DLGAP2: variants seen among roughly 807,000 people sequenced by gnomAD.
The protein encoded by DLGAP2 is disks large-associated protein 2.
Under a neutral mutation model 100.3 loss-of-function variants are expected in DLGAP2, and 26 were observed. The observed-to-expected ratio is 0.26, with a 90% CI of 0.19 to 0.36. The LOEUF is 0.36. Ranked by LOEUF, DLGAP2 falls within the 10% of genes least tolerant of loss-of-function variation. The pLI is 1.00. For missense variants in DLGAP2, 1,858 were observed against 1,453.2 expected, an observed-to-expected ratio of 1.28 and a Z score of -4.53; for synonymous variants, 886 against 630.1, an observed-to-expected ratio of 1.41 and a Z score of -6.08.
At chr8:932,639 G>A (rs1157927762) in intron 2 of DLGAP2, among the ~76,000 whole-genome samples, 2 of 152,138 alleles carry the variant, frequency 1.3e-5, no homozygotes, top group Non-Finnish European at 2.9e-5. Context: ...TATGTGAAGG[G>A]CTATTATGCC....
intron 3 of DLGAP2, among the ~76,000 whole-genome samples, chr8:1,291,707 T>C (rs1800063577): frequency 6.6e-6 from 1 of 152,148 alleles, no homozygotes; most frequent in African/African-American, 2.4e-5. Flanking sequence ...GCAGAGCTCA[T>C]CCTGCTCAAA....
intron 3 of DLGAP2, among the ~76,000 whole-genome samples, chr8:1,387,221 G>A (rs570329979): frequency 1.3e-5 from 2 of 152,332 alleles, no homozygotes; most frequent in Admixed American, 1.3e-4. Flanking sequence ...TCATGCAGAG[G>A]GTGGAGAGAC....
intron 1 of DLGAP2, among the ~76,000 whole-genome samples, chr8:749,469 A>C (rs955036024): frequency 1.3e-5 from 2 of 151,020 alleles, no homozygotes; most frequent in South Asian, 4.2e-4. Flanking sequence ...TTTTTTTTTC[A>C]CTTTATATTC....
At chr8:1,640,524 G>C (rs1797872938) in intron 8 of DLGAP2, among the ~76,000 whole-genome samples, 1 of 152,182 alleles carries the variant, frequency 6.6e-6, no homozygotes, top group Admixed American at 6.5e-5. Context: ...TGATTGTCAT[G>C]ATCCCCATTA....
At chr8:1,678,076 CACAA>C (rs1317452787) in intron 11 of DLGAP2, 134 bp from the exon 12 acceptor site, 64 of 935,618 alleles carry the variant, frequency 6.8e-5, no homozygotes, top group Non-Finnish European at 9.1e-5. Context: ...CAGCATATTT[CACAA>C]ACAAAACACT....
chr8:1,483,542 G>T (rs548567243), intron 3 of DLGAP2, among the ~76,000 whole-genome samples: 1 of 145,778 alleles, frequency 6.9e-6, no homozygotes, highest in South Asian at 2.1e-4. Flanking sequence ...AAGAGGCTCA[G>T]GAAGCAGGAC....
At chr8:1,605,101 C>G (rs1796753209) in intron 6 of DLGAP2, among the ~76,000 whole-genome samples, 1 of 152,198 alleles carries the variant, frequency 6.6e-6, no homozygotes, top group Non-Finnish European at 1.5e-5. Context: ...TCATCGGCCC[C>G]TGAGGATGCA....
chr8:847,935 C>T (rs1016512764), intron 1 of DLGAP2, among the ~76,000 whole-genome samples: 6 of 152,042 alleles, frequency 3.9e-5, no homozygotes, highest in Non-Finnish European at 4.4e-5. Context: ...TGCTTGCTTG[C>T]GTGTTTGTTT....
At chr8:1,182,020 G>T (rs548588671) in intron 2 of DLGAP2, among the ~76,000 whole-genome samples, 2 of 152,244 alleles carry the variant, frequency 1.3e-5, no homozygotes, top group African/African-American at 2.4e-5. Context: ...AGAAGCTGAC[G>T]TGGGAGGTTG....
At chr8:1,371,599 A>T (rs958302009) in intron 3 of DLGAP2, among the ~76,000 whole-genome samples, 3 of 152,222 alleles carry the variant, frequency 2.0e-5, no homozygotes, top group Admixed American at 1.3e-4. Context: ...AAAAGAAGGA[A>T]TTTGAAGATC....
chr8:1,288,808 G>A (rs1453692463), intron 3 of DLGAP2, among the ~76,000 whole-genome samples: 2 of 151,710 alleles, frequency 1.3e-5, no homozygotes, highest in African/African-American at 2.4e-5. Context: ...AGGGGAACTA[G>A]TTTCGGTTCA....
chr8:984,393 C>T (rs988615192), intron 2 of DLGAP2, among the ~76,000 whole-genome samples: 1 of 152,210 alleles, frequency 6.6e-6, no homozygotes, highest in Non-Finnish European at 1.5e-5. Flanking sequence ...TAATTGTGCC[C>T]TTACAGGGCT....
At chr8:1,073,805 G>A (rs1803507006) in intron 2 of DLGAP2, among the ~76,000 whole-genome samples, 1 of 152,338 alleles carries the variant, frequency 6.6e-6, no homozygotes, top group Non-Finnish European at 1.5e-5. Flanking sequence ...CTTTTCACAC[G>A]TGGATATTTT....
chr8:1,007,642 G>C (rs1801159446), intron 2 of DLGAP2, among the ~76,000 whole-genome samples: 1 of 147,514 alleles, frequency 6.8e-6, no homozygotes, highest in Non-Finnish European at 1.5e-5. Flanking sequence ...TTTTGGGGGG[G>C]GGATCTTCTG....
chr8:1,470,697 G>C (rs1018230179), intron 3 of DLGAP2, among the ~76,000 whole-genome samples: 2 of 151,870 alleles, frequency 1.3e-5, no homozygotes, highest in Non-Finnish European at 2.9e-5. Context: ...GCTCCACGTG[G>C]ATATTCCATG....
intron 6 of DLGAP2, among the ~76,000 whole-genome samples, chr8:1,614,563 C>T (rs1797087582): frequency 6.6e-6 from 1 of 152,208 alleles, no homozygotes; most frequent in African/African-American, 2.4e-5. Context: ...ACCTTGTGCC[C>T]ACACGAGCTC....
At chr8:1,002,456 C>T (rs540305479) in intron 2 of DLGAP2, 1 of 152,318 alleles carries the variant, frequency 6.6e-6, no homozygotes, top group East Asian at 1.9e-4. Context: ...ATAGGGAAAA[C>T]ATTCAGTAAA....
At chr8:1,167,825 A>T (rs553511456) in intron 2 of DLGAP2, among the ~76,000 whole-genome samples, 50 of 146,992 alleles carry the variant, frequency 3.4e-4, no homozygotes, top group African/African-American at 1.2e-3. Flanking sequence ...TGAGGTCCTA[A>T]ACCAACGTTC....
intron 1 of DLGAP2, among the ~76,000 whole-genome samples, chr8:757,899 C>G (rs1031484453): frequency 1.3e-5 from 2 of 152,176 alleles, no homozygotes; most frequent in Admixed American, 1.3e-4. Context: ...CGTCTTGTCT[C>G]CTCGTTTCCC....
Sources: gnomAD v4.1 joint callset for allele counts (sites outside exome capture counted in the v4.1 genomes callset) on GRCh38, gnomAD v4.1.1 for gene constraint, MANE v1.5 for transcripts, NCBI Gene and HGNC (gene_info 2026-07-23, HGNC 2026-07-21) for gene names.